Variants in SIRT4 observed in about 807,000 individuals in gnomAD.
SIRT4 encodes sirtuin 4, also known as NAD-dependent protein lipoamidase sirtuin-4, mitochondrial.
SIRT4 carries 23 observed loss-of-function variants against 26.1 expected under a neutral mutation model. The ratio of observed to expected loss-of-function variants is 0.88; its 90% CI spans 0.63 to 1.25. The LOEUF is 1.25. SIRT4 is among the 50% of genes most tolerant of loss of function. The pLI is 0.00. For missense variants in SIRT4, 361 were observed against 405.4 expected (o/e 0.89, Z 0.94); for synonymous variants, 155 against 158.4 (o/e 0.98, Z 0.16).
chr12:120,304,829 ATATATATTTTTTTTT>A (rs1194105742), intron 2 of SIRT4, among the ~76,000 whole-genome samples: 7,945 of 31,052 alleles, frequency 0.26, 899 homozygotes, highest in African/African-American at 0.5. Flanking sequence ...ATATATATAT[ATATATATTTTTTTTT>A]TTTTTTTTTT....
At chr12:120,297,131 G>A in the SIRT4 span, among the ~76,000 whole-genome samples, 2 of 151,968 alleles carry the variant, frequency 1.3e-5, no homozygotes, top group Non-Finnish European at 2.9e-5. Context: ...GCTGACATAG[G>A]AGAATCACTT....
intron 2 of SIRT4, 79 bp downstream of exon 2, chr12:120,304,137 C>G: frequency 6.5e-7 from 1 of 1,530,114 alleles, no homozygotes; most frequent in Non-Finnish European, 8.8e-7. Context: ...TCTTGATCAC[C>G]ACAGTCTTAG....
the SIRT4 span, among the ~76,000 whole-genome samples, chr12:120,292,768 A>C: frequency 1.1e-4 from 16 of 147,788 alleles, no homozygotes; most frequent in African/African-American, 3.7e-4. Context: ...AGCCGAGATC[A>C]CGCCAGTGCA....
At chr12:120,292,366 G>A in the SIRT4 span, among the ~76,000 whole-genome samples, 1 of 152,218 alleles carries the variant, frequency 6.6e-6, no homozygotes, top group African/African-American at 2.4e-5. Context: ...ACTCTGGGAG[G>A]CCGAGGCGGG....
At chr12:120,292,877 T>C in the SIRT4 span, among the ~76,000 whole-genome samples, 3 of 152,212 alleles carry the variant, frequency 2.0e-5, no homozygotes, top group East Asian at 1.9e-4. Context: ...GCCCTGCTTT[T>C]ACCTTAAAAG....
At chr12:120,293,988 C>T in the SIRT4 span, among the ~76,000 whole-genome samples, 1 of 135,640 alleles carries the variant, frequency 7.4e-6, no homozygotes, top group African/African-American at 2.7e-5. Flanking sequence ...AATAATATTT[C>T]ACTGTATGAG....
upstream of SIRT4, among the ~76,000 whole-genome samples, chr12:120,301,172 T>G (rs562506476): frequency 7.2e-5 from 11 of 151,762 alleles, no homozygotes; most frequent in South Asian, 8.3e-4. Flanking sequence ...TGGTGAAACC[T>G]TGTCTCTACT....
At chr12:120,303,429 C>T in intron 1 of SIRT4, 132 bp from the exon 2 acceptor site, 2 of 1,030,276 alleles carry the variant, frequency 1.9e-6, no homozygotes, top group Non-Finnish European at 1.4e-6. Flanking sequence ...GAGCCAAGAT[C>T]ATGCCACTGT....
intron 3 of SIRT4, 26 bp downstream of exon 3, chr12:120,312,776 C>T: frequency 1.2e-5 from 19 of 1,607,330 alleles, no homozygotes; most frequent in Non-Finnish European, 1.4e-5. Context: ...AGAGTGGTAA[C>T]CACCCCTTGT....
At chr12:120,301,521 C>A (rs181250703), upstream of SIRT4, among the ~76,000 whole-genome samples, 2 of 152,048 alleles carry the variant, frequency 1.3e-5, no homozygotes, top group Non-Finnish European at 2.9e-5. Flanking sequence ...AAATCTAGGC[C>A]GGGAACAGTG....
chr12:120,295,427 T>A, the SIRT4 span, among the ~76,000 whole-genome samples: 6 of 142,516 alleles, frequency 4.2e-5, no homozygotes, highest in East Asian at 1.0e-3. Context: ...TAATTTTTTT[T>A]TTTTTTTTTT....
the SIRT4 span, among the ~76,000 whole-genome samples, chr12:120,295,942 C>T: frequency 7.1e-4 from 107 of 151,422 alleles, no homozygotes; most frequent in African/African-American, 2.5e-3. Flanking sequence ...CAAAAATTAA[C>T]GGGGCGTGGT....
At chr12:120,310,287 G>A (rs1383438432) in intron 2 of SIRT4, among the ~76,000 whole-genome samples, 2 of 151,966 alleles carry the variant, frequency 1.3e-5, no homozygotes, top group Non-Finnish European at 2.9e-5. Context: ...AATCGCTTAA[G>A]CCCAGGAGGC....
intron 2 of SIRT4, among the ~76,000 whole-genome samples, chr12:120,304,824 TATATATATATA>T (rs1333475614): frequency 9.6e-6 from 1 of 104,210 alleles, no homozygotes. Context: ...TATATATATA[TATATATATATA>T]TTTTTTTTTT....
At chr12:120,304,833 ATATTTTTT>A (rs551800381) in intron 2 of SIRT4, among the ~76,000 whole-genome samples, 72 of 8,190 alleles carry the variant, frequency 8.8e-3, no homozygotes, top group African/African-American at 0.015. Context: ...ATATATATAT[ATATTTTTT>A]TTTTTTTTTT....
chr12:120,293,133 T>C, the SIRT4 span: 102 of 152,300 alleles, frequency 6.7e-4, 1 homozygote, highest in African/African-American at 2.1e-3. Flanking sequence ...CAGTGCCGAC[T>C]ATATTGCAAG....
intron 2 of SIRT4, among the ~76,000 whole-genome samples, chr12:120,311,048 T>C (rs1592901998): frequency 2.9e-5 from 2 of 69,308 alleles, no homozygotes. Context: ...CCCTGTCTCT[T>C]AAAAAAAAAA....
intron 2 of SIRT4, among the ~76,000 whole-genome samples, chr12:120,311,535 C>T (rs541425827): frequency 7.3e-5 from 11 of 150,532 alleles, no homozygotes; most frequent in Non-Finnish European, 1.5e-4. Flanking sequence ...AGTTTGAGAC[C>T]AGCCTTACCA....
Position 120,304,059 on chromosome 12 carries a change from G to A in SIRT4, c.497+1G>A. The stretch of plus-strand genomic sequence containing the variant: ...CAGAGCTCCACGGATGCATGGACAG[G>A]TGCAGGAGCTGTACACGGTTTGAAC... On this transcript the variant is annotated splice_donor_variant, in intron 2 of 3. Transcript: ENST00000202967. LOFTEE classifies it high-confidence loss of function. The A allele has an allele frequency of 6.2e-7, 1 of 1,605,682 alleles. No homozygotes were observed. The highest frequency in any genetic ancestry group is 8.5e-7 in the Non-Finnish European group (1 of 1,179,838).
Sources: allele counts gnomAD v4.1 joint callset (sites outside exome capture counted in the v4.1 genomes callset), GRCh38; gene constraint gnomAD v4.1.1; transcripts MANE v1.5; gene names NCBI Gene and HGNC (gene_info 2026-07-23, HGNC 2026-07-21).